CLEC16A: variants seen among roughly 807,000 people sequenced by gnomAD.
CLEC16A encodes C-type lectin domain containing 16A, also known as protein CLEC16A.
A neutral mutation model predicts 109.5 loss-of-function variants in CLEC16A; 51 were observed. The ratio of observed to expected loss-of-function variants is 0.47; its 90% CI spans 0.37 to 0.59. The LOEUF (loss-of-function observed/expected upper bound fraction) is 0.59. Ranked by LOEUF, CLEC16A falls within the 20% of genes least tolerant of loss-of-function variation. CLEC16A has a pLI of 0.00. For missense variants in CLEC16A, 1,339 were observed against 1,394.0 expected (o/e 0.96, Z 0.63); for synonymous variants, 673 against 564.2 (o/e 1.19, Z -2.73).
chr16:10,947,366 G>C (rs1039014653), intron 1 of CLEC16A, among the ~76,000 whole-genome samples: 1 of 152,224 alleles, frequency 6.6e-6, no homozygotes, highest in African/African-American at 2.4e-5. Flanking sequence ...TGGTGGGGGA[G>C]ACAGCTGTAG....
Position 11,024,676 on chromosome 16 carries a change from C to T in CLEC16A, c.1437-145C>T, listed in dbSNP as rs573825937. 12 of 604,106 alleles carry T rather than the reference C, an allele frequency of 2.0e-5. No homozygotes were observed. The Admixed American group carries it at 2.6e-4, about 13-fold the overall frequency. 37.4% of individuals were successfully genotyped at this position (604,106 alleles called of 1,614,324 possible). On this transcript the variant is annotated intron_variant, in intron 12 of 23. Transcript: ENST00000409790. ...AGCCTGTCTCTCATTTGTCTGTGTC[C>T]TCAGTGCGTGGTGCTGGACCAGGCA...
intron 7 of CLEC16A, among the ~76,000 whole-genome samples, chr16:10,974,505 C>T (rs1350693125): frequency 6.6e-6 from 1 of 152,122 alleles, no homozygotes; most frequent in African/African-American, 2.4e-5. Context: ...AGCAACATCG[C>T]CAGCCTCTCT....
intron 19 of CLEC16A, among the ~76,000 whole-genome samples, chr16:11,096,272 G>A (rs529370967): frequency 1.3e-5 from 2 of 152,174 alleles, no homozygotes; most frequent in African/African-American, 2.4e-5. Flanking sequence ...TTGAGTCCGG[G>A]AAGTCAAGCC....
At chr16:10,951,652 G>T (rs1183209243) in intron 1 of CLEC16A, among the ~76,000 whole-genome samples, 1 of 152,204 alleles carries the variant, frequency 6.6e-6, no homozygotes, top group Non-Finnish European at 1.5e-5. Flanking sequence ...ACAGAGACTG[G>T]CAGTAATAGG....
In CLEC16A at chr16:11,020,179, A is replaced by G. The variant is rs773723084; in HGVS notation, c.1304-14A>G. On this transcript the variant is annotated splice_polypyrimidine_tract_variant and intron_variant, in intron 11 of 23. Transcript: ENST00000409790. ...GCTGTCTGGACTCATCCCAGTCTCCATTTTGGCTTCCAGAGATCGAGATGG... is the reference window on the plus strand; with the variant it reads ...GCTGTCTGGACTCATCCCAGTCTCCGTTTTGGCTTCCAGAGATCGAGATGG... The G allele has an allele frequency of 2.5e-6, 4 of 1,605,268 alleles. No homozygotes were observed. The highest frequency in any genetic ancestry group is 3.4e-6 in the Non-Finnish European group (4 of 1,175,204).
chr16:11,049,331 G>A (rs1030347015), intron 17 of CLEC16A, among the ~76,000 whole-genome samples: 4 of 151,978 alleles, frequency 2.6e-5, no homozygotes, highest in Non-Finnish European at 5.9e-5. Context: ...TCCGTAAGGT[G>A]GGGGATCCCT....
At chr16:11,140,668 C>T (rs2053782079) in intron 22 of CLEC16A, among the ~76,000 whole-genome samples, 1 of 152,204 alleles carries the variant, frequency 6.6e-6, no homozygotes, top group South Asian at 2.1e-4. Context: ...AAGGCTTGCT[C>T]AAGCTGCCGG....
At chr16:11,000,204 A>T (rs2152745820) in intron 10 of CLEC16A, among the ~76,000 whole-genome samples, 1 of 152,322 alleles carries the variant, frequency 6.6e-6, no homozygotes, top group Non-Finnish European at 1.5e-5. Flanking sequence ...TCCATGTTTT[A>T]GAACAGGAAC....
intron 10 of CLEC16A, among the ~76,000 whole-genome samples, chr16:10,990,953 G>T (rs1412910279): frequency 6.6e-6 from 1 of 152,174 alleles, no homozygotes; most frequent in African/African-American, 2.4e-5. Flanking sequence ...CCTGAAGCCA[G>T]GTCAGTATTA....
intron 20 of CLEC16A, among the ~76,000 whole-genome samples, chr16:11,121,873 C>T (rs1198692647): frequency 9.1e-6 from 1 of 109,948 alleles, no homozygotes; most frequent in Non-Finnish European, 1.8e-5. Flanking sequence ...GAGTGAGACC[C>T]TGTCTCAAAA....
chr16:10,985,429 G>A (rs539532527), intron 10 of CLEC16A, among the ~76,000 whole-genome samples: 1 of 152,078 alleles, frequency 6.6e-6, no homozygotes, highest in Admixed American at 6.5e-5. Flanking sequence ...GGGAAGCTTC[G>A]CAGAGCCTGC....
intron 1 of CLEC16A, among the ~76,000 whole-genome samples, chr16:10,952,745 C>T (rs2041798574): frequency 6.6e-6 from 1 of 152,160 alleles, no homozygotes; most frequent in Non-Finnish European, 1.5e-5. Context: ...CCTCATTGAG[C>T]TTTGGAGCTT....
chr16:11,006,647 G>A (rs1252756444), intron 11 of CLEC16A, among the ~76,000 whole-genome samples: 2 of 152,208 alleles, frequency 1.3e-5, no homozygotes, highest in South Asian at 2.1e-4. Context: ...AAAAAGGCAT[G>A]TGGTCACGAG....
intron 22 of CLEC16A, among the ~76,000 whole-genome samples, chr16:11,164,520 G>C (rs559012261): frequency 1.3e-5 from 2 of 152,318 alleles, no homozygotes; most frequent in East Asian, 1.9e-4. Context: ...AGGTCCCTCA[G>C]CTGGGAAGTG....
At chr16:10,981,313 C>T (rs1391839341) in intron 9 of CLEC16A, among the ~76,000 whole-genome samples, 1 of 152,168 alleles carries the variant, frequency 6.6e-6, no homozygotes, top group Non-Finnish European at 1.5e-5. Flanking sequence ...GGCAGTAATT[C>T]GGCCATAAGG....
At chr16:11,123,515 G>A (rs1362641367) in intron 20 of CLEC16A, among the ~76,000 whole-genome samples, 5 of 152,166 alleles carry the variant, frequency 3.3e-5, no homozygotes, top group Admixed American at 2.0e-4. Flanking sequence ...ACCAGCATCC[G>A]CTCCTTTGGG....
chr16:11,031,750 C>T (rs534128659), intron 13 of CLEC16A, among the ~76,000 whole-genome samples: 24 of 152,198 alleles, frequency 1.6e-4, no homozygotes, highest in African/African-American at 5.5e-4. Flanking sequence ...TCCCATGTAG[C>T]GAGAAGTGCA....
At chr16:11,172,725 C>T (rs534307029) in intron 23 of CLEC16A, among the ~76,000 whole-genome samples, 12 of 152,150 alleles carry the variant, frequency 7.9e-5, no homozygotes, top group Middle Eastern at 3.4e-3. Context: ...CCCATCTCTA[C>T]TAAAAATACA....
chr16:10,946,073 C>T (rs2041349818), intron 1 of CLEC16A, among the ~76,000 whole-genome samples: 1 of 152,048 alleles, frequency 6.6e-6, no homozygotes, highest in Non-Finnish European at 1.5e-5. Flanking sequence ...AAATAGAGAT[C>T]TGTATGAAGG....
Sources: allele counts gnomAD v4.1 joint callset (sites outside exome capture counted in the v4.1 genomes callset), GRCh38; gene constraint gnomAD v4.1.1; transcripts MANE v1.5; gene names NCBI Gene and HGNC (gene_info 2026-07-23, HGNC 2026-07-21).